UNC5C: variants seen among roughly 807,000 people sequenced by gnomAD.
UNC5C encodes the protein netrin receptor UNC5C.
In UNC5C, 47 loss-of-function variants were observed where a neutral mutation model predicts 99.8. The observed-to-expected ratio is 0.47, with a 90% CI of 0.37 to 0.60. The LOEUF (loss-of-function observed/expected upper bound fraction) is 0.60, where lower values mean the gene tolerates loss of function less well. Ranked by LOEUF, UNC5C falls within the 20% of genes least tolerant of loss-of-function variation. The pLI, the probability that UNC5C is intolerant of heterozygous loss-of-function variation, is 0.00. For missense variants in UNC5C, 1,062 were observed against 1,165.9 expected (o/e 0.91, Z 1.30); for synonymous variants, 487 against 452.2 (o/e 1.08, Z -0.98).
At chr4:95,228,998 C>T (rs529474986) in intron 7 of UNC5C, among the ~76,000 whole-genome samples, 2 of 152,218 alleles carry the variant, frequency 1.3e-5, no homozygotes, top group South Asian at 2.1e-4. Context: ...ATGATAATCA[C>T]ATTGCATTTG....
In UNC5C at chr4:95,166,994, AT is replaced by A. The variant is rs1735880955; in HGVS notation, c.*2239del. The stretch of plus-strand genomic sequence containing the variant: ...GAGAGAGATTTTATAGAATATATGT[AT>A]GTATGTCCAAAACAGAAGATACGGA... On this transcript the variant is annotated 3_prime_UTR_variant, in exon 16 of 16. Coordinates refer to ENST00000453304, the MANE Select transcript of UNC5C (RefSeq NM_003728.4). 6.6e-6 allele frequency: 1 copy of A among 152,106 alleles called. No individual in the cohort carries two copies. Among genetic ancestry groups the A allele is most frequent in the Non-Finnish European group, 1.5e-5 (1 of 68,014 alleles). 9.4% of individuals were successfully genotyped at this position (152,106 alleles called of 1,614,324 possible). A position where few individuals can be genotyped will look rare whatever the true frequency, so the allele number is the denominator to read the frequency against.
intron 1 of UNC5C, among the ~76,000 whole-genome samples, chr4:95,419,905 A>T (rs1022918582): frequency 6.6e-6 from 1 of 152,188 alleles, no homozygotes; most frequent in Non-Finnish European, 1.5e-5. Context: ...AATAGCTCAG[A>T]TGTTCTTACA....
chr4:95,524,193 A>T (rs1178950822), intron 1 of UNC5C, among the ~76,000 whole-genome samples: 3 of 152,188 alleles, frequency 2.0e-5, no homozygotes, highest in Admixed American at 6.5e-5. Flanking sequence ...TTAGGGTAAG[A>T]TTGAAAGCTG....
At chr4:95,244,813 G>A (rs924719606) in intron 6 of UNC5C, among the ~76,000 whole-genome samples, 164 bp downstream of exon 6, 7 of 152,114 alleles carry the variant, frequency 4.6e-5, no homozygotes, top group African/African-American at 1.7e-4. Flanking sequence ...TATTCTTTTG[G>A]AGGAAAATAC....
At chr4:95,499,710 C>CCCTCCCCTTGATCA (rs1560485628) in intron 1 of UNC5C, among the ~76,000 whole-genome samples, 1 of 152,048 alleles carries the variant, frequency 6.6e-6, no homozygotes, top group Non-Finnish European at 1.5e-5. Context: ...CAAACACACT[C>CCCTCCCCTTGATCA]CAGTAAGCTC....
chr4:95,235,023 T>C (rs1056493409), intron 7 of UNC5C, among the ~76,000 whole-genome samples: 2 of 152,310 alleles, frequency 1.3e-5, no homozygotes, highest in East Asian at 3.9e-4. Context: ...TGTAAAACTA[T>C]AATTCAGTTC....
intron 1 of UNC5C, among the ~76,000 whole-genome samples, chr4:95,539,870 C>T (rs979827723): frequency 6.6e-6 from 1 of 151,870 alleles, no homozygotes; most frequent in African/African-American, 2.4e-5. Context: ...ATCTCCTCTC[C>T]CTTGCTACCG....
intron 1 of UNC5C, among the ~76,000 whole-genome samples, chr4:95,483,364 T>C (rs1486858464): frequency 2.0e-5 from 3 of 151,854 alleles, no homozygotes; most frequent in East Asian, 1.9e-4. Context: ...CTCTTTATTT[T>C]GTAAATATTC....
chr4:95,491,092 T>C (rs1179770036), intron 1 of UNC5C, among the ~76,000 whole-genome samples: 1 of 151,452 alleles, frequency 6.6e-6, no homozygotes, highest in Admixed American at 6.6e-5. Flanking sequence ...GATCACAAAA[T>C]TGCCCCCTTC....
intron 10 of UNC5C, among the ~76,000 whole-genome samples, chr4:95,214,488 T>C (rs1348081639): frequency 6.6e-6 from 1 of 152,264 alleles, no homozygotes; most frequent in Non-Finnish European, 1.5e-5. Flanking sequence ...ATCAATTTTC[T>C]GTTTTCTCTT....
At chr4:95,222,856 G>A (rs1007672695) in intron 7 of UNC5C, among the ~76,000 whole-genome samples, 1 of 152,042 alleles carries the variant, frequency 6.6e-6, no homozygotes, top group African/African-American at 2.4e-5. Context: ...GAGTTCGATA[G>A]GTTTTGCCTA....
At chr4:95,333,315 C>T (rs1743197727) in intron 2 of UNC5C, among the ~76,000 whole-genome samples, 1 of 152,100 alleles carries the variant, frequency 6.6e-6, no homozygotes, top group Non-Finnish European at 1.5e-5. Context: ...AGACTTGGAA[C>T]CAACCCAAAT....
At chr4:95,172,177 C>T (rs1366777035) in intron 14 of UNC5C, among the ~76,000 whole-genome samples, 1 of 150,152 alleles carries the variant, frequency 6.7e-6, no homozygotes, top group Non-Finnish European at 1.5e-5. Flanking sequence ...AATTTTCTCC[C>T]ATTTTGTAGG....
intron 12 of UNC5C, among the ~76,000 whole-genome samples, chr4:95,191,208 G>A (rs1486100767): frequency 6.6e-6 from 1 of 152,134 alleles, no homozygotes; most frequent in Non-Finnish European, 1.5e-5. Flanking sequence ...TCTGCATTAT[G>A]TCCGGGTTAG....
At chr4:95,454,003 G>C (rs1747358395) in intron 1 of UNC5C, among the ~76,000 whole-genome samples, 1 of 152,084 alleles carries the variant, frequency 6.6e-6, no homozygotes, top group Non-Finnish European at 1.5e-5. Flanking sequence ...CAGAAGAAGG[G>C]AAGAGGGAGA....
intron 1 of UNC5C, among the ~76,000 whole-genome samples, chr4:95,509,515 T>C (rs1162638992): frequency 1.3e-5 from 2 of 151,894 alleles, no homozygotes; most frequent in African/African-American, 4.8e-5. Context: ...ATAAAAAATC[T>C]GAAGCTTGAC....
intron 3 of UNC5C, among the ~76,000 whole-genome samples, chr4:95,295,844 G>C (rs777902455): frequency 2.0e-5 from 3 of 152,214 alleles, no homozygotes; most frequent in Non-Finnish European, 4.4e-5. Flanking sequence ...CAGCACTTTG[G>C]GAGGCTGAGA....
At position 95,352,325 on chromosome 4, in the gene UNC5C, C is replaced by T. The variant is rs150300441; in HGVS notation, c.125-16694G>A. ...CCACCCTAGGGTATTCACACTTGCC[C>T]TTCACTTCTCTAGGAAGGATATTTC... On this transcript the variant is annotated intron_variant, in intron 1 of 15. Transcript: ENST00000453304. Among the ~76,000 whole-genome samples the T allele has an allele frequency of 2.8e-3, 424 of 152,208 alleles. 1 individual carries two copies. Among genetic ancestry groups the T allele is most frequent in the African/African-American group, 9.8e-3 (406 of 41,556 alleles).
rs766957463 is a variant in UNC5C, at chr4:95,170,246, G to C, written c.2538C>G (p.Leu846=). 1 of 1,614,150 alleles carries C rather than the reference G, an allele frequency of 6.2e-7. No individual in the cohort carries two copies. The highest frequency in any genetic ancestry group is 1.1e-5 in the South Asian group (1 of 91,078). ...TGCTACAGAGCTTCTGCCGGATAGG[G>C]AGAGGGATGCTGAAAGCACTGGGCC... ...VTGPSAFSIP[L]PIRQKLCSSL... is the part of the protein sequence containing the mutation. Residue 846 remains leucine, a synonymous_variant, in exon 15 of 16, where the codon CTC becomes CTG. Transcript: ENST00000453304.
Sources: gnomAD v4.1 joint callset for allele counts (sites outside exome capture counted in the v4.1 genomes callset) on GRCh38, gnomAD v4.1.1 for gene constraint, MANE v1.5 for transcripts, NCBI Gene and HGNC (gene_info 2026-07-23, HGNC 2026-07-21) for gene names.